The following CTR9 variants were observed in gnomAD, a reference collection of about 807,000 sequenced individuals.
The protein encoded by CTR9 is RNA polymerase-associated protein CTR9 homolog.
Under a neutral mutation model 152.1 loss-of-function variants are expected in CTR9, and 41 were observed. That is an observed-to-expected ratio of 0.27 (90% CI 0.21 to 0.35). The LOEUF is 0.35. Ranked by LOEUF, CTR9 falls within the 10% of genes least tolerant of loss-of-function variation. The pLI is 1.00. For synonymous variants in CTR9, 476 were observed against 496.2 expected (o/e 0.96, Z 0.54); for missense variants, 917 against 1,424.4 (o/e 0.64, Z 5.73).
At chr11:10,766,776 G>C (rs1488682530) in intron 13 of CTR9, among the ~76,000 whole-genome samples, 2 of 151,946 alleles carry the variant, frequency 1.3e-5, no homozygotes, top group Non-Finnish European at 2.9e-5. Context: ...CCTGACTCCT[G>C]TGTTTTTTAC....
intron 5 of CTR9, 84 bp downstream of exon 5, chr11:10,756,922 A>T: frequency 1.1e-6 from 1 of 912,206 alleles, no homozygotes; most frequent in South Asian, 1.5e-5. Flanking sequence ...TTATGAAGTT[A>T]TGAAAAGATA....
In CTR9 at chr11:10,774,177, C is replaced by A. The variant is rs767093255; in HGVS notation, c.2885+8C>A. 6 of 1,604,352 alleles carry A rather than the reference C, an allele frequency of 3.7e-6. No homozygotes were observed. In the Admixed American group the frequency reaches 8.6e-5, roughly 23 times the overall value. On this transcript the variant is annotated splice_region_variant and intron_variant, in intron 22 of 24. Coordinates refer to ENST00000361367, the MANE Select transcript of CTR9 (RefSeq NM_014633.5). ...GAAGAAAAAGAGGAGAAGGTAATGTCATCATTAATGTGCTTTAAGTAACCT... is the reference window on the plus strand; with the variant it reads ...GAAGAAAAAGAGGAGAAGGTAATGTAATCATTAATGTGCTTTAAGTAACCT...
intron 22 of CTR9, among the ~76,000 whole-genome samples, chr11:10,774,491 G>A (rs1319012878): frequency 1.3e-5 from 2 of 152,210 alleles, no homozygotes; most frequent in Non-Finnish European, 2.9e-5. Context: ...CTGTGCATGT[G>A]CAATCTTGGA....
intron 2 of CTR9, 143 bp from the exon 3 acceptor site, chr11:10,754,815 T>C (rs981484222): frequency 2.1e-5 from 16 of 769,182 alleles, no homozygotes; most frequent in Non-Finnish European, 3.3e-5. Flanking sequence ...CACCACAGCT[T>C]GTTTATCCAT....
Position 10,762,039 on chromosome 11 carries a change from CT to C in CTR9, c.839del (p.Phe280SerfsTer33). On this transcript the variant is annotated frameshift_variant, in exon 7 of 25. Coordinates refer to ENST00000361367, the MANE Select transcript of CTR9 (RefSeq NM_014633.5). LOFTEE classifies it high-confidence loss of function. Reference sequence around the variant, plus strand: ...TGGTATTGAACCATTTGGCAAATCACTTTTTCTTCAAAAAGGTAGAAGTCAT... The same window carrying C: ...TGGTATTGAACCATTTGGCAAATCACTTTTCTTCAAAAAGGTAGAAGTCAT... ...PMVLNHLANH[F>X]FFKKDYSKVQ... 1 of 1,594,254 alleles carries C rather than the reference CT, an allele frequency of 6.3e-7. No homozygotes were observed. Among genetic ancestry groups the C allele is most frequent in the South Asian group, 1.1e-5 (1 of 87,356 alleles).
At chr11:10,769,840 G>C (rs538218054) in intron 16 of CTR9, among the ~76,000 whole-genome samples, 1 of 151,664 alleles carries the variant, frequency 6.6e-6, no homozygotes, top group Non-Finnish European at 1.5e-5. Context: ...AGGTGTAGAT[G>C]GTAAAACGCA....
intron 18 of CTR9, among the ~76,000 whole-genome samples, chr11:10,771,211 T>C (rs1164619134): frequency 6.6e-6 from 1 of 152,266 alleles, no homozygotes; most frequent in Non-Finnish European, 1.5e-5. Context: ...TATTCTTGTT[T>C]AACAATTCTT....
chr11:10,764,480 T>TGAGTC (rs2135369617), intron 11 of CTR9, 44 bp downstream of exon 11: 1 of 1,608,462 alleles, frequency 6.2e-7, no homozygotes, highest in Non-Finnish European at 8.5e-7. Context: ...TGAATCAAGT[T>TGAGTC]GCATGCACAC....
intron 22 of CTR9, 147 bp from the exon 23 acceptor site, chr11:10,775,060 C>T: frequency 1.6e-6 from 1 of 629,160 alleles, no homozygotes; most frequent in South Asian, 2.0e-5. Flanking sequence ...TAAGTTATGT[C>T]CCCTGCCCTT....
At chr11:10,752,239 G>A (rs369245934) in intron 1 of CTR9, among the ~76,000 whole-genome samples, 2 of 152,078 alleles carry the variant, frequency 1.3e-5, no homozygotes, top group East Asian at 1.9e-4. Flanking sequence ...TCTGTTACAC[G>A]CAGGTGCCAC....
intron 24 of CTR9, among the ~76,000 whole-genome samples, chr11:10,777,192 T>C (rs1863253399): frequency 6.6e-6 from 1 of 151,956 alleles, no homozygotes; most frequent in Non-Finnish European, 1.5e-5. Flanking sequence ...GGCTAAGGCT[T>C]CTGGTGGGGA....
chr11:10,751,513 C>G, intron 1 of CTR9, 56 bp downstream of exon 1: 8 of 1,552,968 alleles, frequency 5.2e-6, no homozygotes, highest in Non-Finnish European at 7.1e-6. Flanking sequence ...ATCGCCCCCA[C>G]CGACTTCGCT....
rs752315744 is a variant in CTR9, at chr11:10,775,204, A to G, written c.2886-3A>G. 2.5e-6 allele frequency: 4 copies of G among 1,612,394 alleles called. No individual in the cohort carries two copies. The Admixed American group carries it at 5.0e-5, about 20-fold the overall frequency. The stretch of plus-strand genomic sequence containing the variant: ...AACTCTCTCTTGGTGTTCACTATTT[A>G]AGACATCCAAAGGGAGAAGAAGGAT... On this transcript the variant is annotated splice_region_variant and splice_polypyrimidine_tract_variant and intron_variant, in intron 22 of 24. Coordinates refer to ENST00000361367, the MANE Select transcript of CTR9 (RefSeq NM_014633.5).
intron 12 of CTR9, among the ~76,000 whole-genome samples, chr11:10,765,222 G>A (rs572832388): frequency 1.2e-4 from 19 of 152,136 alleles, no homozygotes; most frequent in Middle Eastern, 3.4e-3. Flanking sequence ...CTCATGCCTG[G>A]AATCCCAGTA....
At chr11:10,772,906 A>T (rs1863167168) in intron 20 of CTR9, among the ~76,000 whole-genome samples, 1 of 152,184 alleles carries the variant, frequency 6.6e-6, no homozygotes, top group South Asian at 2.1e-4. Context: ...ATGCACCTGT[A>T]ATCCCAGCTA....
At chr11:10,777,698 A>G (rs1052113416) in intron 24 of CTR9, among the ~76,000 whole-genome samples, 18 of 152,250 alleles carry the variant, frequency 1.2e-4, no homozygotes, top group Admixed American at 7.8e-4. Context: ...CCTGACCATC[A>G]TAAAGTGTGT....
chr11:10,763,359 T>C lies in CTR9; in HGVS notation c.850-72T>C, dbSNP rs149231092. ...TGTATCTTACAGGTAAACGAAGTGTTAGTCTAAGATAAAACAGCTATGCAA... is the reference window on the plus strand; with the variant it reads ...TGTATCTTACAGGTAAACGAAGTGTCAGTCTAAGATAAAACAGCTATGCAA... On this transcript the variant is annotated intron_variant, in intron 7 of 24. Transcript: ENST00000361367. The C allele has an allele frequency of 4.8e-3, 4,690 of 967,156 alleles. 28 individuals carry two copies. The highest frequency in any genetic ancestry group is 6.6e-3 in the Non-Finnish European group (4,017 of 609,994). 59.9% of individuals were successfully genotyped at this position (967,156 alleles called of 1,614,324 possible). A position where few individuals can be genotyped will look rare whatever the true frequency, so the allele number is the denominator to read the frequency against.
intron 24 of CTR9, among the ~76,000 whole-genome samples, chr11:10,776,627 T>C (rs891330843): frequency 3.3e-5 from 5 of 152,152 alleles, no homozygotes; most frequent in Non-Finnish European, 7.3e-5. Context: ...GGCCCATAAA[T>C]TCTCCAAGGA....
At chr11:10,758,133 T>A (rs917094321) in intron 5 of CTR9, among the ~76,000 whole-genome samples, 1 of 152,224 alleles carries the variant, frequency 6.6e-6, no homozygotes, top group Non-Finnish European at 1.5e-5. Flanking sequence ...AGGGACTGAC[T>A]AATCACGTAG....
Sources: gnomAD v4.1 joint callset for allele counts (sites outside exome capture counted in the v4.1 genomes callset) on GRCh38, gnomAD v4.1.1 for gene constraint, MANE v1.5 for transcripts, NCBI Gene and HGNC (gene_info 2026-07-23, HGNC 2026-07-21) for gene names.